The following SOX5 variants were observed in gnomAD, a reference collection of about 807,000 sequenced individuals.
SOX5 encodes the protein transcription factor SOX-5.
Under a neutral mutation model 92.0 loss-of-function variants are expected in SOX5, and 9 were observed. That is an observed-to-expected ratio of 0.10 (90% CI 0.06 to 0.17). SOX5 has a LOEUF of 0.17. Ranked by LOEUF, SOX5 falls within the 10% of genes least tolerant of loss-of-function variation. The pLI is 1.00. For synonymous variants in SOX5, 344 were observed against 336.3 expected (o/e 1.02, Z -0.25); for missense variants, 642 against 944.5 (o/e 0.68, Z 4.20).
chr12:23,878,232 A>G (rs2096950015), intron 2 of SOX5, among the ~76,000 whole-genome samples: 1 of 152,036 alleles, frequency 6.6e-6, no homozygotes. Context: ...CATATAATAG[A>G]TCAACCTTAT....
chr12:24,292,520 A>T (rs1946732523), intron 2 of SOX5, among the ~76,000 whole-genome samples: 2 of 152,224 alleles, frequency 1.3e-5, no homozygotes, highest in Admixed American at 6.5e-5. Context: ...GGAAGACAGA[A>T]ATTTTGTGAG....
intron 4 of SOX5, among the ~76,000 whole-genome samples, chr12:24,078,453 T>A (rs1942922767): frequency 6.6e-6 from 1 of 152,054 alleles, no homozygotes; most frequent in Non-Finnish European, 1.5e-5. Context: ...AAAGCTCTAT[T>A]GGAGTGAGAG....
intron 6 of SOX5, among the ~76,000 whole-genome samples, chr12:23,701,624 G>A (rs566682870): frequency 1.3e-5 from 2 of 152,074 alleles, no homozygotes; most frequent in South Asian, 4.1e-4. Flanking sequence ...TCTCATCAGA[G>A]AGTCATATTA....
chr12:23,949,787 T>C, upstream of SOX5: 1 of 523,132 alleles, frequency 1.9e-6, no homozygotes, highest in Non-Finnish European at 3.2e-6. Context: ...TCTCTCTCTC[T>C]CTCTCTTTCT....
At chr12:23,603,034 C>T (rs909450145) in intron 9 of SOX5, among the ~76,000 whole-genome samples, 6 of 151,996 alleles carry the variant, frequency 3.9e-5, no homozygotes, top group African/African-American at 9.7e-5. Flanking sequence ...TTAAATATTT[C>T]TACATATTGC....
At chr12:23,761,650 A>T (rs1056374045) in intron 3 of SOX5, among the ~76,000 whole-genome samples, 43 of 152,172 alleles carry the variant, frequency 2.8e-4, no homozygotes, top group Non-Finnish European at 5.1e-4. Flanking sequence ...TCTTAACAGT[A>T]TATCACATAC....
chr12:23,953,847 C>T (rs192936496), upstream of SOX5, among the ~76,000 whole-genome samples: 2 of 152,098 alleles, frequency 1.3e-5, no homozygotes, highest in East Asian at 1.9e-4. Flanking sequence ...GTCTTTTTGA[C>T]ACTGCCGCAT....
chr12:24,013,045 A>C (rs1243424248), intron 4 of SOX5, among the ~76,000 whole-genome samples: 1 of 152,190 alleles, frequency 6.6e-6, no homozygotes. Flanking sequence ...GAACAAAAAA[A>C]GTTTCTGCAC....
At chr12:24,460,506 G>A (rs1465894760) in intron 1 of SOX5, 4 of 152,172 alleles carry the variant, frequency 2.6e-5, no homozygotes, top group African/African-American at 9.7e-5. Flanking sequence ...GAATAAACTT[G>A]AAGTAAGTGA....
intron 1 of SOX5, among the ~76,000 whole-genome samples, chr12:24,381,851 A>G (rs1957859901): frequency 6.6e-6 from 1 of 152,346 alleles, no homozygotes; most frequent in Non-Finnish European, 1.5e-5. Context: ...AGTAGGAATG[A>G]ACACTAAAAA....
intron 4 of SOX5, among the ~76,000 whole-genome samples, chr12:24,169,839 G>C (rs1025459115): frequency 1.3e-5 from 2 of 152,156 alleles, no homozygotes; most frequent in African/African-American, 4.8e-5. Flanking sequence ...TGATGGATCT[G>C]ACTGATCTAA....
chr12:24,352,395 A>T (rs1277955615), intron 2 of SOX5, among the ~76,000 whole-genome samples: 2 of 152,312 alleles, frequency 1.3e-5, no homozygotes, highest in South Asian at 2.1e-4. Flanking sequence ...GTTGAATAAC[A>T]TATGGGGCTT....
At chr12:23,797,224 T>C (rs2095579899) in intron 3 of SOX5, among the ~76,000 whole-genome samples, 1 of 152,028 alleles carries the variant, frequency 6.6e-6, no homozygotes, top group East Asian at 1.9e-4. Flanking sequence ...TAGGTATTGG[T>C]ACAATCAGAT....
intron 1 of SOX5, among the ~76,000 whole-genome samples, chr12:24,498,631 T>C (rs977320613): frequency 1.3e-5 from 2 of 152,222 alleles, no homozygotes; most frequent in Non-Finnish European, 2.9e-5. Flanking sequence ...ATGACTCTAA[T>C]ACATAATTCC....
At chr12:23,706,441 T>A (rs1251139437) in intron 6 of SOX5, among the ~76,000 whole-genome samples, 1 of 152,042 alleles carries the variant, frequency 6.6e-6, no homozygotes, top group Non-Finnish European at 1.5e-5. Context: ...CTAACCTAAA[T>A]GAAAGCATGT....
chr12:23,710,498 T>C (rs2091940738), intron 6 of SOX5, among the ~76,000 whole-genome samples: 1 of 152,188 alleles, frequency 6.6e-6, no homozygotes, highest in African/African-American at 2.4e-5. Context: ...GTGTCTGGTT[T>C]TTTGTTCTTG....
intron 1 of SOX5, among the ~76,000 whole-genome samples, chr12:23,936,077 A>T (rs1236717294): frequency 6.6e-6 from 1 of 151,064 alleles, no homozygotes; most frequent in Non-Finnish European, 1.5e-5. Flanking sequence ...AAAGCAATTT[A>T]TAACAGAGTC....
rs182496775 is a variant in SOX5, at chr12:24,185,615, T to C, written c.-2+27728A>G. Among the ~76,000 whole-genome samples, 42 of 152,246 alleles carry C rather than the reference T, an allele frequency of 2.8e-4. 1 individual carries two copies. Among genetic ancestry groups the C allele is most frequent in the African/African-American group, 9.6e-4 (40 of 41,560 alleles). On this transcript the variant is annotated intron_variant, in intron 4 of 4. Transcript: ENST00000446891. ...GAACAGACCACCTGGGTTTGAATTG[T>C]TGTTTTGCTACTTACTACCTGTGTG... is the stretch of plus-strand genomic sequence containing the variant.
At chr12:23,941,314 G>C (rs1429637882) in intron 1 of SOX5, among the ~76,000 whole-genome samples, 1 of 151,370 alleles carries the variant, frequency 6.6e-6, no homozygotes, top group African/African-American at 2.4e-5. Flanking sequence ...ATTGCTATCA[G>C]GATCTTTTGG....
Sources: allele counts gnomAD v4.1 joint callset (sites outside exome capture counted in the v4.1 genomes callset), GRCh38; gene constraint gnomAD v4.1.1; transcripts MANE v1.5; gene names NCBI Gene and HGNC (gene_info 2026-07-23, HGNC 2026-07-21).